Variants in JAZF1 observed in about 807,000 individuals in gnomAD.
JAZF1 encodes the protein JAZF zinc finger 1.
A neutral mutation model predicts 26.4 loss-of-function variants in JAZF1; 8 were observed. That is an observed-to-expected ratio of 0.30 (90% CI 0.18 to 0.55). The LOEUF (loss-of-function observed/expected upper bound fraction) is 0.55. Ranked by LOEUF, JAZF1 falls within the 20% of genes least tolerant of loss-of-function variation. The probability of loss-of-function intolerance (pLI) is 0.94; values close to 1 mark genes in which losing one functional copy is unlikely to be tolerated. For synonymous variants in JAZF1, 126 were observed against 122.3 expected (o/e 1.03, Z -0.20); for missense variants, 199 against 322.0 (o/e 0.62, Z 2.92).
intron 1 of JAZF1, among the ~76,000 whole-genome samples, chr7:28,112,567 A>C (rs982336459): frequency 7.0e-6 from 1 of 142,692 alleles, no homozygotes; most frequent in Non-Finnish European, 1.5e-5. Context: ...CAATTGGTTT[A>C]AGATAAGATC....
chr7:28,040,830 A>G (rs1158205686), intron 1 of JAZF1, among the ~76,000 whole-genome samples: 1 of 152,216 alleles, frequency 6.6e-6, no homozygotes, highest in African/African-American at 2.4e-5. Flanking sequence ...GACGTAAGGT[A>G]GAAGACCACA....
chr7:28,088,328 A>G (rs1203506027), intron 1 of JAZF1, among the ~76,000 whole-genome samples: 1 of 152,208 alleles, frequency 6.6e-6, no homozygotes, highest in African/African-American at 2.4e-5. Flanking sequence ...ATTCTGAGAT[A>G]TTTTGCTACT....
rs77503278 is a variant in JAZF1 at position 28,098,576 on chromosome 7, T to C, written c.115+81887A>G. ...TAAATTCTGGTTCAGAATGGAACATTATTCACTTTTTATTTCAGAGTCTCC... is the reference window on the plus strand; with the variant it reads ...TAAATTCTGGTTCAGAATGGAACATCATTCACTTTTTATTTCAGAGTCTCC... On this transcript the variant is annotated intron_variant, in intron 1 of 4. Transcript: ENST00000283928. Among the ~76,000 whole-genome samples, 2,148 of 152,166 alleles carry C rather than the reference T, an allele frequency of 0.014. 160 individuals carry two copies. In the East Asian group the frequency reaches 0.24, roughly 17 times the overall value.
chr7:28,039,314 T>C (rs544217987), intron 1 of JAZF1, among the ~76,000 whole-genome samples: 3 of 152,254 alleles, frequency 2.0e-5, no homozygotes, highest in South Asian at 2.1e-4. Flanking sequence ...TCTTATGAGA[T>C]AGATGTATTT....
At chr7:28,162,460 T>C (rs506154) in intron 1 of JAZF1, among the ~76,000 whole-genome samples, 118,469 of 152,118 alleles carry the variant, frequency 0.78, 46,808 homozygotes, top group East Asian at 0.98. Flanking sequence ...CTTTAGTTCA[T>C]GTAAGGTTGG....
chr7:27,845,324 T>TG (rs1325543567), intron 3 of JAZF1, among the ~76,000 whole-genome samples: 3 of 152,106 alleles, frequency 2.0e-5, no homozygotes, highest in Admixed American at 1.3e-4. Context: ...AACTCTGGAC[T>TG]GGGGGGTCAG....
intron 2 of JAZF1, among the ~76,000 whole-genome samples, chr7:27,948,938 C>A (rs796341057): frequency 9.8e-5 from 15 of 152,300 alleles, no homozygotes; most frequent in Admixed American, 3.3e-4. Context: ...TAGAAGACAT[C>A]CATTTTCTGA....
intron 3 of JAZF1, among the ~76,000 whole-genome samples, chr7:27,873,916 G>A (rs1430070209): frequency 6.6e-6 from 1 of 152,180 alleles, no homozygotes; most frequent in African/African-American, 2.4e-5. Context: ...ATTATTATAT[G>A]GACTAAAAAC....
At chr7:27,833,756 G>C (rs900134235) in intron 4 of JAZF1, among the ~76,000 whole-genome samples, 8 of 152,182 alleles carry the variant, frequency 5.3e-5, no homozygotes, top group Admixed American at 4.6e-4. Flanking sequence ...ATTTCTGTTT[G>C]TCGGTTTTGC....
rs77958232 is a variant in JAZF1 at position 28,138,681 on chromosome 7, A to G, written c.115+41782T>C. On this transcript the variant is annotated intron_variant, in intron 1 of 4. Coordinates refer to ENST00000283928, the MANE Select transcript of JAZF1 (RefSeq NM_175061.4). ...TATTTGCCACCCTTCTTCTTCTCCA[A>G]AGGGTTTTGGATTTCCTTGTTATGC... Among the ~76,000 whole-genome samples, 1,974 of 152,262 alleles carry G rather than the reference A, an allele frequency of 0.013. 133 individuals carry two copies. The East Asian group carries it at 0.22, about 17-fold the overall frequency.
chr7:28,167,908 T>G (rs961191252), intron 1 of JAZF1, among the ~76,000 whole-genome samples: 2 of 152,218 alleles, frequency 1.3e-5, no homozygotes, highest in African/African-American at 2.4e-5. Context: ...GTAGTTCAGA[T>G]AGCTTCTTTG....
chr7:27,884,616 C>T (rs1364205643), intron 3 of JAZF1, among the ~76,000 whole-genome samples: 1 of 152,158 alleles, frequency 6.6e-6, no homozygotes, highest in Non-Finnish European at 1.5e-5. Flanking sequence ...TTCATGAGTA[C>T]CCTTTGTGTC....
At chr7:27,847,734 C>T (rs187714490) in intron 3 of JAZF1, among the ~76,000 whole-genome samples, 204 of 152,264 alleles carry the variant, frequency 1.3e-3, no homozygotes, top group African/African-American at 4.3e-3. Flanking sequence ...GTGGTGTAAT[C>T]TCAGTTCACT....
At chr7:28,000,404 G>A (rs1786121072) in intron 1 of JAZF1, among the ~76,000 whole-genome samples, 1 of 152,098 alleles carries the variant, frequency 6.6e-6, no homozygotes, top group African/African-American at 2.4e-5. Flanking sequence ...TGTCAATAAT[G>A]TCAAAGTTGA....
intron 2 of JAZF1, among the ~76,000 whole-genome samples, chr7:27,931,769 T>C (rs779633942): frequency 2.4e-4 from 36 of 151,450 alleles, no homozygotes; most frequent in African/African-American, 7.3e-4. Context: ...CCGGGGAGAA[T>C]TGCTTGAACC....
At chr7:28,049,428 C>T (rs10273399) in intron 1 of JAZF1, among the ~76,000 whole-genome samples, 82,083 of 151,956 alleles carry the variant, frequency 0.54, 23,906 homozygotes, top group Non-Finnish European at 0.66. Flanking sequence ...ACTTCACTTC[C>T]GACACCAGAT....
At chr7:27,935,867 G>A (rs1473360682) in intron 2 of JAZF1, among the ~76,000 whole-genome samples, 1 of 152,274 alleles carries the variant, frequency 6.6e-6, no homozygotes, top group African/African-American at 2.4e-5. Flanking sequence ...ACAAGTTGGT[G>A]AGGTCACACA....
At chr7:28,138,558 G>C (rs1010574391) in intron 1 of JAZF1, among the ~76,000 whole-genome samples, 8 of 152,178 alleles carry the variant, frequency 5.3e-5, no homozygotes, top group Non-Finnish European at 1.2e-4. Flanking sequence ...GGCATGACAG[G>C]CTTTTAAGAT....
At chr7:28,077,737 G>A (rs1212083479) in intron 1 of JAZF1, among the ~76,000 whole-genome samples, 1 of 152,126 alleles carries the variant, frequency 6.6e-6, no homozygotes, top group Non-Finnish European at 1.5e-5. Flanking sequence ...AGGGTGCTTT[G>A]TTTTGGTTCT....
Sources: allele counts gnomAD v4.1 joint callset (sites outside exome capture counted in the v4.1 genomes callset), GRCh38; gene constraint gnomAD v4.1.1; transcripts MANE v1.5; gene names NCBI Gene and HGNC (gene_info 2026-07-23, HGNC 2026-07-21).